Variants in PTH2R observed in about 807,000 individuals in gnomAD.
PTH2R encodes parathyroid hormone 2 receptor, also known as PTH2 receptor.
PTH2R carries 59 observed loss-of-function variants against 60.3 expected under a neutral mutation model. The observed-to-expected ratio is 0.98, with a 90% CI of 0.79 to 1.22. The LOEUF (loss-of-function observed/expected upper bound fraction) is 1.22. Ranked by LOEUF, PTH2R falls within the 50% of genes most tolerant of loss-of-function variation. The pLI is 0.00. For synonymous variants in PTH2R, 256 were observed against 243.8 expected, an observed-to-expected ratio of 1.05 and a Z score of -0.47; for missense variants, 749 against 682.6, an observed-to-expected ratio of 1.10 and a Z score of -1.08.
At chr2:208,371,382 AGTT>A (rs1352703945) in intron 1 of PTH2R, among the ~76,000 whole-genome samples, 1 of 152,272 alleles carries the variant, frequency 6.6e-6, no homozygotes, top group East Asian at 1.9e-4. Context: ...TAAAAAATAA[AGTT>A]GTGTAAATGA....
At chr2:208,479,801 A>G (rs1703103929) in intron 9 of PTH2R, among the ~76,000 whole-genome samples, 1 of 152,234 alleles carries the variant, frequency 6.6e-6, no homozygotes, top group African/African-American at 2.4e-5. Context: ...ATTCCAGGTT[A>G]AAGCAGTTAA....
At chr2:208,457,181 C>G (rs1417204572) in intron 8 of PTH2R, among the ~76,000 whole-genome samples, 1 of 152,210 alleles carries the variant, frequency 6.6e-6, no homozygotes, top group Non-Finnish European at 1.5e-5. Flanking sequence ...TTTACAGTCA[C>G]ATGATATATG....
chr2:208,373,976 T>G (rs1229413742), intron 1 of PTH2R, among the ~76,000 whole-genome samples: 1 of 152,146 alleles, frequency 6.6e-6, no homozygotes, highest in Non-Finnish European at 1.5e-5. Flanking sequence ...TTATGTATTT[T>G]TGTCCCTATA....
intron 2 of PTH2R, among the ~76,000 whole-genome samples, chr2:208,436,394 CTAT>C (rs1702075502): frequency 6.6e-6 from 1 of 152,044 alleles, no homozygotes; most frequent in Non-Finnish European, 1.5e-5. Flanking sequence ...GGATTTGGGG[CTAT>C]TGTGTCAAAA....
chr2:208,436,964 T>A (rs1702087377), intron 2 of PTH2R, among the ~76,000 whole-genome samples: 1 of 152,160 alleles, frequency 6.6e-6, no homozygotes, highest in Non-Finnish European at 1.5e-5. Context: ...ATGAAGTGAC[T>A]TGGACTATCG....
chr2:208,482,259 T>C (rs1015722583), intron 10 of PTH2R, among the ~76,000 whole-genome samples: 1 of 152,146 alleles, frequency 6.6e-6, no homozygotes. Flanking sequence ...GCAACGGGGC[T>C]CTCTCTTTGT....
intron 1 of PTH2R, among the ~76,000 whole-genome samples, chr2:208,389,063 A>G (rs1701058728): frequency 6.6e-6 from 1 of 152,184 alleles, no homozygotes; most frequent in Non-Finnish European, 1.5e-5. Flanking sequence ...GAGGGTGTTC[A>G]TATTGTGAAG....
chr2:208,464,052 C>G (rs940906015), intron 9 of PTH2R, among the ~76,000 whole-genome samples: 11 of 152,206 alleles, frequency 7.2e-5, no homozygotes, highest in African/African-American at 2.7e-4. Context: ...CTTATTTTTA[C>G]CCTTTTGTTA....
At chr2:208,490,358 G>C (rs1407707458) in intron 11 of PTH2R, among the ~76,000 whole-genome samples, 1 of 152,002 alleles carries the variant, frequency 6.6e-6, no homozygotes, top group Admixed American at 6.6e-5. Flanking sequence ...TGATCCATGG[G>C]TCACAACATA....
At chr2:208,418,529 C>A (rs182934872) in intron 1 of PTH2R, among the ~76,000 whole-genome samples, 1 of 151,766 alleles carries the variant, frequency 6.6e-6, no homozygotes. Context: ...AAGTTTAACA[C>A]CCATCCATGA....
intron 6 of PTH2R, among the ~76,000 whole-genome samples, chr2:208,444,295 AT>A (rs558549783): frequency 6.6e-6 from 1 of 152,332 alleles, no homozygotes; most frequent in Admixed American, 6.5e-5. Context: ...TTTCTAAGAT[AT>A]GTTAAATGTT....
chr2:208,477,976 C>A (rs541943543), intron 9 of PTH2R, among the ~76,000 whole-genome samples: 1 of 144,204 alleles, frequency 6.9e-6, no homozygotes, highest in Admixed American at 6.9e-5. Context: ...ACTAGTACTA[C>A]TAGCACTACT....
At chr2:208,425,798 C>T (rs1426008457) in intron 1 of PTH2R, among the ~76,000 whole-genome samples, 2 of 152,100 alleles carry the variant, frequency 1.3e-5, no homozygotes, top group African/African-American at 4.8e-5. Flanking sequence ...TCTGCCTGTG[C>T]CTATTGATAT....
chr2:208,377,601 C>T (rs1019539505), intron 1 of PTH2R, among the ~76,000 whole-genome samples: 2 of 150,228 alleles, frequency 1.3e-5, no homozygotes, highest in Non-Finnish European at 3.0e-5. Context: ...GCTGACCCCC[C>T]ACCTGCCTCC....
intron 1 of PTH2R, among the ~76,000 whole-genome samples, chr2:208,413,331 A>G (rs58535931): frequency 0.046 from 7,026 of 152,250 alleles, 328 homozygotes; most frequent in African/African-American, 0.11. Flanking sequence ...CACTCTAGCA[A>G]TTTCAGACAC....
intron 8 of PTH2R, among the ~76,000 whole-genome samples, chr2:208,458,785 T>C (rs531810432): frequency 6.4e-4 from 98 of 152,160 alleles, no homozygotes; most frequent in Non-Finnish European, 1.1e-3. Flanking sequence ...GATCTTGTGT[T>C]TTTTTTGTGG....
intron 1 of PTH2R, among the ~76,000 whole-genome samples, chr2:208,427,044 T>TA (rs1559216451): frequency 6.6e-6 from 1 of 152,036 alleles, no homozygotes; most frequent in Non-Finnish European, 1.5e-5. Flanking sequence ...CAGGAAGAAA[T>TA]AAAAAAGAAT....
intron 12 of PTH2R, among the ~76,000 whole-genome samples, chr2:208,491,470 A>G (rs1371198158): frequency 6.6e-6 from 1 of 152,214 alleles, no homozygotes; most frequent in Non-Finnish European, 1.5e-5. Flanking sequence ...ATTTAGGAGA[A>G]TAAACCTGGG....
chr2:208,428,945 C>T (rs540615996), intron 2 of PTH2R, among the ~76,000 whole-genome samples: 9 of 152,090 alleles, frequency 5.9e-5, no homozygotes, highest in East Asian at 5.8e-4. Context: ...ATTAGCTGGG[C>T]GTGGTGGCGC....
Sources: gnomAD v4.1 joint callset for allele counts (sites outside exome capture counted in the v4.1 genomes callset) on GRCh38, gnomAD v4.1.1 for gene constraint, MANE v1.5 for transcripts, NCBI Gene and HGNC (gene_info 2026-07-23, HGNC 2026-07-21) for gene names.